The following COL12A1 variants were observed in gnomAD, a reference collection of about 807,000 sequenced individuals.
COL12A1 encodes collagen alpha-1(XII) chain.
In COL12A1, 114 loss-of-function variants were observed where a neutral mutation model predicts 349.7. The observed-to-expected ratio is 0.33, with a 90% CI of 0.28 to 0.38. COL12A1 has a LOEUF of 0.38. COL12A1 is among the 10% of genes least tolerant of loss of function. The pLI, the probability that COL12A1 is intolerant of heterozygous loss-of-function variation, is 1.00. For synonymous variants in COL12A1, 1,369 were observed against 1,329.0 expected, an observed-to-expected ratio of 1.03 and a Z score of -0.66; for missense variants, 3,284 against 3,756.9, an observed-to-expected ratio of 0.87 and a Z score of 3.29.
At chr6:75,146,374 G>T in intron 23 of COL12A1, 130 bp from the exon 24 acceptor site, 1 of 1,056,772 alleles carries the variant, frequency 9.5e-7, no homozygotes, top group Non-Finnish European at 1.2e-6. Context: ...ATCAATAAGA[G>T]TTAATATAAT....
At position 75,133,394 on chromosome 6, in the gene COL12A1, G is replaced by A. The variant is rs1300742104; in HGVS notation, c.5693C>T (p.Ala1898Val). 1.2e-6 allele frequency: 2 copies of A among 1,611,950 alleles called. No homozygotes were observed. Among genetic ancestry groups the A allele is most frequent in the Non-Finnish European group, 1.7e-6 (2 of 1,179,036 alleles). The change falls in exon 34 of 66, where the codon GCC (alanine) becomes GTC (valine). Residue 1898 changes from alanine to valine, a missense_variant. Physicochemically the swap from Ala to Val is moderately conservative, Grantham distance 64. Around this residue, in one of 2 missense-constraint regions of COL12A1, gnomAD observed 2,601 missense variants for 2,824.8 expected, o/e 0.92. Transcript: ENST00000322507. ...ATCTGGCTGCAGATTCCTAAGAATG[G>A]CATAATTGGTATTCCCGGGGATTGG... Reference protein sequence around the residue: ...LVPIPGNTNYAILRNLQPDTS... With the variant: ...LVPIPGNTNYVILRNLQPDTS...
At position 75,152,377 on chromosome 6, in the gene COL12A1, C is replaced by T. The variant is rs191996302; in HGVS notation, c.3671G>A (p.Arg1224His). ...GCCAATGTCAAAGACTTCCACAATA[C>T]GAGAAATGAAACTCCTCACGGTTCT... ...NFRTVRSFIS[R>H]IVEVFDIGPK... Residue 1224 changes from arginine (R) to histidine (H), a missense_variant, in exon 18 of 66, where the codon CGT becomes CAT. Transcript: ENST00000322507. 4.1e-5 allele frequency: 66 copies of T among 1,613,626 alleles called. No homozygotes were observed. In the East Asian group the frequency reaches 5.1e-4, roughly 13 times the overall value.
In COL12A1 at chr6:75,194,833, G is replaced by T; in HGVS notation, c.188C>A (p.Thr63Lys). ...AAAACCCCAGTCTCAAAACTTACCC[G>T]TTGTAGGGTCCACCGTTATTCTGTA... ...VGYRITVDPT[T>K]DGPTKEFTLS... Residue 63 changes from threonine to lysine, a missense_variant and splice_region_variant, in exon 3 of 66, where the codon ACG becomes AAG. By Grantham distance (78) the Thr-to-Lys change is moderately conservative. This residue lies in a region of COL12A1 where 2,601 missense variants were observed against 2,824.8 expected (regional missense o/e 0.92). Transcript: ENST00000322507. 1 of 1,600,480 alleles carries T rather than the reference G, an allele frequency of 6.2e-7. No individual in the cohort carries two copies. Among genetic ancestry groups the T allele is most frequent in the Non-Finnish European group, 8.5e-7 (1 of 1,170,902 alleles).
chr6:75,156,555 C>A, intron 14 of COL12A1, 32 bp from the exon 15 acceptor site: 1 of 1,597,544 alleles, frequency 6.3e-7, no homozygotes, highest in South Asian at 1.1e-5. Context: ...AAACTGTATA[C>A]CATGTTGAAA....
intron 59 of COL12A1, among the ~76,000 whole-genome samples, chr6:75,095,802 A>G (rs978333705): frequency 6.6e-6 from 1 of 152,236 alleles, no homozygotes; most frequent in Admixed American, 6.5e-5. Flanking sequence ...TAAATTGGTT[A>G]CAAAGTGGAT....
intron 11 of COL12A1, among the ~76,000 whole-genome samples, chr6:75,178,639 C>T (rs1769104864): frequency 6.6e-6 from 1 of 152,172 alleles, no homozygotes; most frequent in Non-Finnish European, 1.5e-5. Flanking sequence ...GACCTTCTTG[C>T]TCAATGGGGC....
chr6:75,147,018 T>C (rs1251927482), intron 23 of COL12A1, among the ~76,000 whole-genome samples: 2 of 152,218 alleles, frequency 1.3e-5, no homozygotes, highest in East Asian at 3.9e-4. Flanking sequence ...AAGCAAGAAG[T>C]AGGAAAGAAT....
At chr6:75,119,600 T>C (rs1181504297) in intron 44 of COL12A1, 127 bp from the exon 45 acceptor site, 1 of 1,041,786 alleles carries the variant, frequency 9.6e-7, no homozygotes, top group Non-Finnish European at 1.4e-6. Context: ...TGATAGAATA[T>C]TGTAAGCTCT....
At position 75,147,280 on chromosome 6, in the gene COL12A1, G is replaced by A. The variant is rs775724063; in HGVS notation, c.4417+395C>T. ...TCCTTCCTCATATCTTACTCCTGAT[G>A]TGCTTTATTCCTCAATAAAATGTCA... On this transcript the variant is annotated intron_variant, in intron 23 of 65. Transcript: ENST00000322507. Among the ~76,000 whole-genome samples, 7 of 152,176 alleles carry A rather than the reference G, an allele frequency of 4.6e-5. No homozygotes were observed. The South Asian group carries it at 8.3e-4, about 18-fold the overall frequency.
chr6:75,095,870 T>G (rs1768003539), intron 59 of COL12A1, among the ~76,000 whole-genome samples: 1 of 152,144 alleles, frequency 6.6e-6, no homozygotes, highest in Non-Finnish European at 1.5e-5. Context: ...AGACAATCTT[T>G]CAAAACACAG....
Position 75,138,514 on chromosome 6 carries a change from C to T in COL12A1, c.5164G>A (p.Val1722Ile). 6.2e-7 allele frequency: 1 copy of T among 1,614,080 alleles called. No homozygotes were observed. The highest frequency in any genetic ancestry group is 8.5e-7 in the Non-Finnish European group (1 of 1,179,966). Reference sequence around the variant, plus strand: ...TCAGGATAGATGGCAGTAATGGAAACTTCATAGATGGTGTTGGGGTTCAGG... The same window carrying T: ...TCAGGATAGATGGCAGTAATGGAAATTTCATAGATGGTGTTGGGGTTCAGG... ...ENLNPNTIYE[V>I]SITAIYPDES... is the part of the protein sequence containing the mutation. The change falls in exon 29 of 66, where the codon GTT (valine) becomes ATT (isoleucine). Residue 1722 changes from valine (V) to isoleucine (I), a missense_variant. Coordinates refer to ENST00000322507, the MANE Select transcript of COL12A1 (RefSeq NM_004370.6).
Position 75,147,666 on chromosome 6 carries a change from C to T in COL12A1, c.4417+9G>A. On this transcript the variant is annotated intron_variant, in intron 23 of 65. Transcript: ENST00000322507. ...AAGCAATGAGAAACAATTTTTTAAT[C>T]TGACTCACAGGTTTTTTCTGTCCCC... 1.3e-6 allele frequency: 2 copies of T among 1,579,326 alleles called. No homozygotes were observed. The highest frequency in any genetic ancestry group is 1.7e-6 in the Non-Finnish European group (2 of 1,166,636).
chr6:75,178,995 C>T lies in COL12A1; in HGVS notation c.2165-1060G>A, dbSNP rs78958972. Among the ~76,000 whole-genome samples the T allele has an allele frequency of 2.7e-4, 41 of 152,242 alleles. No individual in the cohort carries two copies. In the East Asian group the frequency reaches 7.9e-3, roughly 29 times the overall value. On this transcript the variant is annotated intron_variant, in intron 11 of 65. Transcript: ENST00000322507. Reference sequence around the variant, plus strand: ...ATGGGTTGGAATCCTAGCTCTGAAGCTTAACAGATATGTAATTCTGAGCCA... The same window carrying T: ...ATGGGTTGGAATCCTAGCTCTGAAGTTTAACAGATATGTAATTCTGAGCCA...
intron 13 of COL12A1, among the ~76,000 whole-genome samples, chr6:75,174,756 T>C (rs1768826328): frequency 6.6e-6 from 1 of 152,144 alleles, no homozygotes; most frequent in Non-Finnish European, 1.5e-5. Context: ...ATACACCTAT[T>C]CTCCTTTCAA....
At chr6:75,141,374 A>G (rs1766882098) in intron 27 of COL12A1, among the ~76,000 whole-genome samples, 1 of 152,206 alleles carries the variant, frequency 6.6e-6, no homozygotes, top group South Asian at 2.1e-4. Context: ...ACTGTGTTAA[A>G]TACTATGGAG....
rs963367964 is a variant in COL12A1, at chr6:75,143,618, G to T, written c.4691-230C>A. On this transcript the variant is annotated intron_variant, in intron 25 of 65. Coordinates refer to ENST00000322507, the MANE Select transcript of COL12A1 (RefSeq NM_004370.6). ...ATATTTAATTTTTTGTTATCACAAG[G>T]CTAACTTCTCAATTATATATTACTC... is the stretch of plus-strand genomic sequence containing the variant. Among the ~76,000 whole-genome samples, 5 of 151,982 alleles carry T rather than the reference G, an allele frequency of 3.3e-5. No homozygotes were observed. In the South Asian group the frequency reaches 1.0e-3, roughly 32 times the overall value.
Position 75,189,589 on chromosome 6 carries a change from T to A in COL12A1, c.621A>T (p.Ile207=), listed in dbSNP as rs754757085. The A allele has an allele frequency of 1.2e-5, 19 of 1,613,038 alleles. No homozygotes were observed. The South Asian group carries it at 2.1e-4, about 18-fold the overall frequency. ...YYQRDELLAA[I]KKIPYKGGNT... is the part of the protein sequence containing the mutation. ...TGCCACCTTTATATGGAATTTTTTT[T>A]ATTGCAGCAAGAAGTTCATCCCTTT... The change falls in exon 6 of 66, where the codon ATA becomes ATT. Residue 207 remains isoleucine (I), a synonymous_variant. Transcript: ENST00000322507.
intron 13 of COL12A1, among the ~76,000 whole-genome samples, chr6:75,168,017 T>C (rs1768399004): frequency 6.6e-6 from 1 of 152,224 alleles, no homozygotes; most frequent in Admixed American, 6.5e-5. Flanking sequence ...AAAATTGTAG[T>C]TCTGCCTGTG....
intron 53 of COL12A1, among the ~76,000 whole-genome samples, chr6:75,106,089 A>G (rs1582056606): frequency 6.6e-6 from 1 of 152,324 alleles, no homozygotes; most frequent in Non-Finnish European, 1.5e-5. Context: ...TTAGTCATCC[A>G]GAAAGGTGCT....
Sources: allele counts gnomAD v4.1 joint callset (sites outside exome capture counted in the v4.1 genomes callset), GRCh38; gene constraint gnomAD v4.1.1; regional missense constraint gnomAD v4.1.1; transcripts MANE v1.5; gene names NCBI Gene and HGNC (gene_info 2026-07-23, HGNC 2026-07-21).